Variants in ZNF469 observed in about 807,000 individuals in gnomAD.
The protein encoded by ZNF469 is zinc finger protein 469.
In ZNF469, 1 loss-of-function variant was observed where a neutral mutation model predicts 1.0. The ratio of observed to expected loss-of-function variants is 1.00; its 90% CI spans 0.35 to 4.73. The LOEUF (loss-of-function observed/expected upper bound fraction) is 4.73. ZNF469 is among the 30% of genes most tolerant of loss of function. ZNF469 has a pLI of 0.16. For missense variants in ZNF469, 6,100 were observed against 5,356.3 expected (o/e 1.14, Z -4.33); for synonymous variants, 2,703 against 2,363.4 (o/e 1.14, Z -4.17).
the ZNF469 span, among the ~76,000 whole-genome samples, chr16:88,199,993 C>T: frequency 6.6e-6 from 1 of 152,224 alleles, no homozygotes; most frequent in African/African-American, 2.4e-5. Context: ...GGGCTCACCA[C>T]CCTGTTCCCT....
In ZNF469 at chr16:88,429,479, C is replaced by G; in HGVS notation, c.2009C>G (p.Pro670Arg). 3 of 1,550,104 alleles carry G rather than the reference C, an allele frequency of 1.9e-6. No individual in the cohort carries two copies. The highest frequency in any genetic ancestry group is 1.7e-6 in the Non-Finnish European group (2 of 1,146,842). Reference sequence around the variant, plus strand: ...CAGCCAGAGCCAGCCAAGGCCTTCCCTTTTCCCGCAGATGGGCTGGGAGCC... The same window carrying G: ...CAGCCAGAGCCAGCCAAGGCCTTCCGTTTTCCCGCAGATGGGCTGGGAGCC... ...HYQPEPAKAF[P>R]FPADGLGAEG... Residue 670 changes from proline to arginine, a missense_variant, in exon 3 of 3, where the codon CCT (proline) becomes CGT (arginine). By Grantham distance (103) the Pro-to-Arg change is moderately radical. Coordinates refer to ENST00000565624, the MANE Select transcript of ZNF469 (RefSeq NM_001367624.2).
chr16:88,167,821 CACCGCTCCCCAGGACGG>C, the ZNF469 span, among the ~76,000 whole-genome samples: 1 of 152,258 alleles, frequency 6.6e-6, no homozygotes, highest in Non-Finnish European at 1.5e-5. Context: ...GGATTCTCTG[CACCGCTCCCCAGGACGG>C]ACCGCTCCTT....
chr16:88,380,825 C>T (rs865954905), upstream of ZNF469, among the ~76,000 whole-genome samples: 6 of 151,118 alleles, frequency 4.0e-5, no homozygotes, highest in South Asian at 4.2e-4. Context: ...CAGACACACA[C>T]ACACACGCAC....
At chr16:88,412,487 T>C (rs1597198195) in intron 1 of ZNF469, among the ~76,000 whole-genome samples, 1 of 152,226 alleles carries the variant, frequency 6.6e-6, no homozygotes, top group African/African-American at 2.4e-5. Context: ...AGTGAAGGCT[T>C]TTCCTGCTCC....
chr16:88,170,731 C>T, the ZNF469 span, among the ~76,000 whole-genome samples: 51 of 152,246 alleles, frequency 3.3e-4, 1 homozygote, highest in East Asian at 6.4e-3. The surrounding 1 kb of genome is among the most constrained non-coding windows in gnomAD (Gnocchi z 4.2). Flanking sequence ...TGAGCAGGGC[C>T]GACACGTCTC....
rs1349948121 is a variant in ZNF469 at position 88,435,068 on chromosome 16, T to C, written c.7598T>C (p.Val2533Ala). Residue 2533 changes from valine to alanine, a missense_variant, in exon 3 of 3, where the codon GTG (valine) becomes GCG (alanine). Coordinates refer to ENST00000565624, the MANE Select transcript of ZNF469 (RefSeq NM_001367624.2). Reference sequence around the variant, plus strand: ...CCGCCCAGGAAGAAAAGCCACAGGGTGTCTGGGAAGGAGAGACCAAATCAC... The same window carrying C: ...CCGCCCAGGAAGAAAAGCCACAGGGCGTCTGGGAAGGAGAGACCAAATCAC... ...CQPPRKKSHR[V>A]SGKERPNHSR... 7 of 1,550,222 alleles carry C rather than the reference T, an allele frequency of 4.5e-6. No homozygotes were observed. In the South Asian group the frequency reaches 7.1e-5, roughly 16 times the overall value.
At chr16:88,185,674 C>T in the ZNF469 span, among the ~76,000 whole-genome samples, 3 of 149,550 alleles carry the variant, frequency 2.0e-5, no homozygotes, top group Admixed American at 6.6e-5. Flanking sequence ...CACTCATGTG[C>T]CCAGACCCAC....
the ZNF469 span, among the ~76,000 whole-genome samples, chr16:88,196,209 C>T: frequency 6.6e-6 from 1 of 152,160 alleles, no homozygotes; most frequent in Non-Finnish European, 1.5e-5. Flanking sequence ...AGTGGAGTAC[C>T]TGTCGGGACA....
chr16:88,281,798 T>TG, the ZNF469 span, among the ~76,000 whole-genome samples: 7 of 149,664 alleles, frequency 4.7e-5, no homozygotes, highest in Non-Finnish European at 1.0e-4. Context: ...TGGTCAGTAC[T>TG]GTGTCAATTT....
the ZNF469 span, among the ~76,000 whole-genome samples, chr16:88,331,778 G>A: frequency 3.5e-5 from 5 of 143,782 alleles, no homozygotes; most frequent in East Asian, 6.4e-4. Context: ...TGTTACCACC[G>A]CCATCATCAT....
chr16:88,320,825 C>A, the ZNF469 span, among the ~76,000 whole-genome samples: 2 of 152,212 alleles, frequency 1.3e-5, no homozygotes, highest in South Asian at 4.1e-4. Flanking sequence ...CAGTGGTTAA[C>A]CAGCCAGTCA....
At chr16:88,243,949 T>TATATATAAATAA in the ZNF469 span, among the ~76,000 whole-genome samples, 2 of 94,242 alleles carry the variant, frequency 2.1e-5, no homozygotes, top group Non-Finnish European at 4.6e-5. Context: ...TATATATATA[T>TATATATAAATAA]ATAAATGTAT....
chr16:88,179,194 G>A, the ZNF469 span, among the ~76,000 whole-genome samples: 1 of 152,188 alleles, frequency 6.6e-6, no homozygotes, highest in Non-Finnish European at 1.5e-5. Context: ...ATGTTGAAAT[G>A]TATCCCCAGT....
the ZNF469 span, among the ~76,000 whole-genome samples, chr16:88,219,855 G>A: frequency 2.6e-5 from 4 of 152,148 alleles, no homozygotes; most frequent in Admixed American, 2.6e-4. Flanking sequence ...TCTGTCCCCA[G>A]AAGTGGCCCT....
the ZNF469 span, among the ~76,000 whole-genome samples, chr16:88,215,582 G>T: frequency 5.3e-5 from 8 of 151,532 alleles, no homozygotes; most frequent in Admixed American, 2.0e-4. Flanking sequence ...TAGAGACAGT[G>T]TTTCACCATG....
chr16:88,391,561 C>T (rs977675806), intron 1 of ZNF469, among the ~76,000 whole-genome samples: 1 of 152,240 alleles, frequency 6.6e-6, no homozygotes, highest in Non-Finnish European at 1.5e-5. Context: ...TGAGTGGTCC[C>T]CACAGGCACA....
the ZNF469 span, among the ~76,000 whole-genome samples, chr16:88,370,444 C>T: frequency 6.6e-6 from 1 of 152,154 alleles, no homozygotes; most frequent in Non-Finnish European, 1.5e-5. Context: ...GTAGCATGTG[C>T]GTGCTCACTG....
chr16:88,429,943 T>C lies in ZNF469; in HGVS notation c.2473T>C (p.Phe825Leu), dbSNP rs1321962983. ...GFLPSLAATP[F>L]PLPASDLDME... ...CCTGCCCAGCCTGGCCGCCACCCCC[T>C]TCCCGCTCCCTGCCTCGGACCTGGA... The change falls in exon 3 of 3, where the codon TTC becomes CTC. Residue 825 changes from phenylalanine (F) to leucine (L), a missense_variant. Transcript: ENST00000565624. The C allele has an allele frequency of 6.5e-7, 1 of 1,550,104 alleles. No individual in the cohort carries two copies.
intron 1 of ZNF469, among the ~76,000 whole-genome samples, chr16:88,391,424 C>T (rs984259331): frequency 6.6e-6 from 1 of 152,262 alleles, no homozygotes; most frequent in Non-Finnish European, 1.5e-5. Context: ...TGATCCTGGG[C>T]AAAGCCCTGG....
Sources: gnomAD v4.1 joint callset for allele counts (sites outside exome capture counted in the v4.1 genomes callset) on GRCh38, gnomAD v4.1.1 for gene constraint, Gnocchi (gnomAD v3.1) non-coding constraint, MANE v1.5 for transcripts, NCBI Gene and HGNC (gene_info 2026-07-23, HGNC 2026-07-21) for gene names.